SV2C: variants seen among roughly 807,000 people sequenced by gnomAD.
The protein encoded by SV2C is synaptic vesicle glycoprotein 2C, also known as solute carrier family 22 member B3.
Under a neutral mutation model 79.7 loss-of-function variants are expected in SV2C, and 49 were observed. That is an observed-to-expected ratio of 0.61 (90% CI 0.49 to 0.78). The LOEUF is 0.78. Among genes scored for constraint, SV2C ranks in the 30% least tolerant of loss-of-function variants. The pLI is 0.00. For synonymous variants in SV2C, 334 were observed against 333.2 expected (o/e 1.00, Z -0.03); for missense variants, 833 against 912.9 (o/e 0.91, Z 1.13).
intron 4 of SV2C, among the ~76,000 whole-genome samples, chr5:76,279,507 A>G (rs1429774725): frequency 6.6e-6 from 1 of 152,210 alleles, no homozygotes; most frequent in Non-Finnish European, 1.5e-5. Context: ...AGCCAAGGGA[A>G]ATAAGTTTTA....
intron 4 of SV2C, among the ~76,000 whole-genome samples, chr5:76,255,200 A>G (rs187490099): frequency 2.0e-5 from 3 of 152,334 alleles, no homozygotes; most frequent in East Asian, 1.9e-4. Context: ...TGTTTTGCAG[A>G]TAAATTTATT....
the SV2C span, among the ~76,000 whole-genome samples, chr5:75,876,935 C>T: frequency 1.3e-5 from 2 of 152,068 alleles, no homozygotes; most frequent in East Asian, 3.9e-4. Flanking sequence ...AAAATAGTGA[C>T]ATAAATCTAT....
At chr5:76,348,012 C>T (rs1749574837) in intron 12 of SV2C, among the ~76,000 whole-genome samples, 1 of 152,124 alleles carries the variant, frequency 6.6e-6, no homozygotes, top group Admixed American at 6.6e-5. Flanking sequence ...GACATGTATC[C>T]ACCATTATAG....
the SV2C span, among the ~76,000 whole-genome samples, chr5:75,896,387 G>A: frequency 0.15 from 22,303 of 150,626 alleles, 5,491 homozygotes; most frequent in African/African-American, 0.52. Context: ...TACAAAGGAC[G>A]TGAACTCATC....
the SV2C span, among the ~76,000 whole-genome samples, chr5:76,029,034 G>A: frequency 9.9e-5 from 15 of 152,272 alleles, no homozygotes; most frequent in Non-Finnish European, 1.9e-4. Flanking sequence ...AAATGAATGA[G>A]CAACATAAAT....
intron 2 of SV2C, among the ~76,000 whole-genome samples, chr5:76,156,253 C>T (rs1742723562): frequency 6.6e-6 from 1 of 152,140 alleles, no homozygotes; most frequent in Non-Finnish European, 1.5e-5. Context: ...GAAACAGAAT[C>T]TTGCCAAAGC....
At chr5:76,241,960 T>TA (rs1253665259) in intron 4 of SV2C, 2 of 824,784 alleles carry the variant, frequency 2.4e-6, no homozygotes, top group South Asian at 1.4e-5. Flanking sequence ...TAAAACTTGA[T>TA]AAAAAATAGT....
the SV2C span, among the ~76,000 whole-genome samples, chr5:75,883,589 A>C: frequency 2.7e-5 from 4 of 147,270 alleles, no homozygotes; most frequent in South Asian, 8.5e-4. Flanking sequence ...TCGCAAGAAC[A>C]AAAAACCCAA....
chr5:76,051,057 T>C, the SV2C span, among the ~76,000 whole-genome samples: 1 of 152,124 alleles, frequency 6.6e-6, no homozygotes, highest in Non-Finnish European at 1.5e-5. Flanking sequence ...ACAAGGAAAA[T>C]GTGCAGCAAA....
chr5:76,288,460 T>C (rs1307706407), intron 6 of SV2C, among the ~76,000 whole-genome samples: 2 of 152,194 alleles, frequency 1.3e-5, no homozygotes, highest in Non-Finnish European at 2.9e-5. Flanking sequence ...TTTGAGTAGA[T>C]ATACAATAGA....
At chr5:75,864,684 C>A in the SV2C span, among the ~76,000 whole-genome samples, 1 of 152,188 alleles carries the variant, frequency 6.6e-6, no homozygotes, top group African/African-American at 2.4e-5. Flanking sequence ...CTGTGGGGGT[C>A]CCTCCCAGCA....
chr5:76,149,382 G>A (rs530524501), intron 2 of SV2C, among the ~76,000 whole-genome samples: 51 of 152,286 alleles, frequency 3.3e-4, no homozygotes, highest in African/African-American at 1.1e-3. Context: ...TGCAGGTTTC[G>A]ATACTGCAGA....
intron 4 of SV2C, among the ~76,000 whole-genome samples, chr5:76,211,465 T>C (rs905471564): frequency 3.6e-4 from 3 of 8,448 alleles, no homozygotes; most frequent in African/African-American, 1.2e-3. Flanking sequence ...TCTGGTTGCG[T>C]GTGTGTGTGT....
At chr5:76,111,067 G>T (rs1748080359) in intron 1 of SV2C, among the ~76,000 whole-genome samples, 1 of 152,208 alleles carries the variant, frequency 6.6e-6, no homozygotes, top group African/African-American at 2.4e-5. Flanking sequence ...AATGTGCAAT[G>T]CAGATGATGT....
intron 12 of SV2C, among the ~76,000 whole-genome samples, chr5:76,339,880 G>T (rs559940953): frequency 1.3e-5 from 2 of 152,268 alleles, no homozygotes; most frequent in African/African-American, 4.8e-5. Context: ...GGGTAAATGA[G>T]GCTGAGACCT....
the SV2C span, among the ~76,000 whole-genome samples, chr5:76,070,957 C>G: frequency 6.6e-6 from 1 of 152,190 alleles, no homozygotes; most frequent in African/African-American, 2.4e-5. Flanking sequence ...AGGAGTTGCA[C>G]AGCCTTAAGG....
At chr5:76,256,560 T>C (rs1404087532) in intron 4 of SV2C, among the ~76,000 whole-genome samples, 2 of 152,226 alleles carry the variant, frequency 1.3e-5, no homozygotes, top group Non-Finnish European at 2.9e-5. Context: ...TGTCCATCAC[T>C]CTTAATTTTC....
At chr5:76,193,571 G>A (rs1351544419) in intron 2 of SV2C, among the ~76,000 whole-genome samples, 1 of 152,158 alleles carries the variant, frequency 6.6e-6, no homozygotes, top group Non-Finnish European at 1.5e-5. Context: ...GGATAGCCAG[G>A]GAATCAAAAT....
chr5:76,285,428 G>T (rs949234900), intron 5 of SV2C, 133 bp downstream of exon 5: 3 of 1,322,332 alleles, frequency 2.3e-6, no homozygotes, highest in Non-Finnish European at 3.0e-6. Flanking sequence ...TGGAGGGTTT[G>T]GTTTCATGGA....
Sources: gnomAD v4.1 joint callset for allele counts (sites outside exome capture counted in the v4.1 genomes callset) on GRCh38, gnomAD v4.1.1 for gene constraint, MANE v1.5 for transcripts, NCBI Gene and HGNC (gene_info 2026-07-23, HGNC 2026-07-21) for gene names.